DLGAP2: variants seen among roughly 807,000 people sequenced by gnomAD.
The protein encoded by DLGAP2 is DLG associated protein 2, also known as disks large-associated protein 2.
DLGAP2 carries 26 observed loss-of-function variants against 100.3 expected under a neutral mutation model. That is an observed-to-expected ratio of 0.26 (90% CI 0.19 to 0.36). The LOEUF (loss-of-function observed/expected upper bound fraction) is 0.36. Among genes scored for constraint, DLGAP2 ranks in the 10% least tolerant of loss-of-function variants. The pLI, the probability that DLGAP2 is intolerant of heterozygous loss-of-function variation, is 1.00. For missense variants in DLGAP2, 1,858 were observed against 1,453.2 expected (o/e 1.28, Z -4.53); for synonymous variants, 886 against 630.1 (o/e 1.41, Z -6.08).
chr8:1,161,245 G>T (rs1796883268), intron 2 of DLGAP2, among the ~76,000 whole-genome samples: 1 of 152,160 alleles, frequency 6.6e-6, no homozygotes, highest in South Asian at 2.1e-4. Flanking sequence ...CCATCAGCTG[G>T]TTTTAAATAC....
intron 1 of DLGAP2, among the ~76,000 whole-genome samples, chr8:783,072 C>T (rs1230594485): frequency 6.6e-6 from 1 of 152,232 alleles, no homozygotes; most frequent in Non-Finnish European, 1.5e-5. Flanking sequence ...AACAAAGATT[C>T]TGCCTTTTCT....
intron 3 of DLGAP2, among the ~76,000 whole-genome samples, chr8:1,273,354 T>C (rs1320481061): frequency 6.6e-6 from 1 of 152,190 alleles, no homozygotes; most frequent in Non-Finnish European, 1.5e-5. Context: ...GAGCATTTGC[T>C]TGGGAGCATG....
chr8:1,486,093 G>A (rs140544353), intron 3 of DLGAP2, among the ~76,000 whole-genome samples: 60 of 152,268 alleles, frequency 3.9e-4, no homozygotes, highest in East Asian at 1.4e-3. Context: ...CTCTGCTCGC[G>A]TCCCGTGCTC....
intron 2 of DLGAP2, among the ~76,000 whole-genome samples, chr8:1,093,947 G>C (rs753972611): frequency 2.6e-5 from 4 of 152,222 alleles, no homozygotes; most frequent in Non-Finnish European, 5.9e-5. Flanking sequence ...CTGTGTGCAG[G>C]TGCTTGTGGA....
chr8:782,661 A>G (rs1335939537), intron 1 of DLGAP2, among the ~76,000 whole-genome samples: 1 of 152,210 alleles, frequency 6.6e-6, no homozygotes, highest in African/African-American at 2.4e-5. Flanking sequence ...AAGGCAGTTG[A>G]GGGCCCCCAC....
chr8:774,709 T>G (rs1458156040), intron 1 of DLGAP2, among the ~76,000 whole-genome samples: 2 of 151,640 alleles, frequency 1.3e-5, no homozygotes, highest in South Asian at 2.1e-4. Context: ...TTGATCTATA[T>G]CTCTGTTTTG....
chr8:1,206,789 T>C (rs891419317), intron 2 of DLGAP2, among the ~76,000 whole-genome samples: 2 of 152,212 alleles, frequency 1.3e-5, no homozygotes, highest in African/African-American at 4.8e-5. Context: ...GCTACCATTC[T>C]TTGTCTGCAC....
At chr8:1,354,536 A>T (rs2129637059) in intron 3 of DLGAP2, among the ~76,000 whole-genome samples, 1 of 152,264 alleles carries the variant, frequency 6.6e-6, no homozygotes, top group East Asian at 1.9e-4. Context: ...GAACGAAAAG[A>T]AAATACCTTG....
intron 2 of DLGAP2, among the ~76,000 whole-genome samples, chr8:1,009,847 T>C (rs992061939): frequency 9.2e-5 from 14 of 152,220 alleles, no homozygotes; most frequent in Non-Finnish European, 7.3e-5. Flanking sequence ...CCAGATAAAA[T>C]ATCAAATGCC....
chr8:1,358,800 C>A (rs1362398398), intron 3 of DLGAP2, among the ~76,000 whole-genome samples: 1 of 151,762 alleles, frequency 6.6e-6, no homozygotes, highest in African/African-American at 2.4e-5. Context: ...TGGAACCGAA[C>A]TGCCTGATCA....
chr8:1,456,215 A>G (rs1316043712), intron 3 of DLGAP2, among the ~76,000 whole-genome samples: 2 of 152,184 alleles, frequency 1.3e-5, no homozygotes, highest in Non-Finnish European at 2.9e-5. Flanking sequence ...AGGACGCCCT[A>G]GTCTCTCTGC....
At chr8:823,739 C>A (rs1796631588) in intron 1 of DLGAP2, among the ~76,000 whole-genome samples, 1 of 152,180 alleles carries the variant, frequency 6.6e-6, no homozygotes. Flanking sequence ...TTTTGTCTTG[C>A]ACTTTGGGAA....
chr8:1,385,499 CGGCCTGTGCCCGTCCCCTG>C (rs1796196830), intron 3 of DLGAP2, among the ~76,000 whole-genome samples: 6 of 25,986 alleles, frequency 2.3e-4, no homozygotes, highest in African/African-American at 1.1e-3. Flanking sequence ...CACAATTACC[CGGCCTGTGCCCGTCCCCTG>C]AGAACTTGGT....
intron 3 of DLGAP2, among the ~76,000 whole-genome samples, chr8:1,460,178 T>C (rs112207651): frequency 1.5e-4 from 23 of 152,292 alleles, no homozygotes; most frequent in African/African-American, 4.8e-4. Context: ...TGGAGCTACA[T>C]AAGCCTAAGA....
chr8:1,101,852 C>T (rs1256358419), intron 2 of DLGAP2, among the ~76,000 whole-genome samples: 27 of 50,244 alleles, frequency 5.4e-4, no homozygotes, highest in African/African-American at 1.7e-3. Context: ...GAGCCGAACA[C>T]AACACGACGA....
intron 3 of DLGAP2, among the ~76,000 whole-genome samples, chr8:1,494,632 G>T (rs956278890): frequency 6.6e-6 from 1 of 152,152 alleles, no homozygotes; most frequent in African/African-American, 2.4e-5. Flanking sequence ...GGCGTCTGAG[G>T]CAGGAGAATT....
intron 6 of DLGAP2, among the ~76,000 whole-genome samples, chr8:1,579,412 C>T (rs536774580): frequency 2.0e-5 from 3 of 151,844 alleles, no homozygotes; most frequent in South Asian, 4.2e-4. Context: ...TTCCATGGGG[C>T]GTAATTATAA....
intron 3 of DLGAP2, among the ~76,000 whole-genome samples, chr8:1,382,621 A>C (rs1312016164): frequency 6.6e-6 from 1 of 152,152 alleles, no homozygotes; most frequent in Non-Finnish European, 1.5e-5. Flanking sequence ...GTGTGCCTGC[A>C]GTCCCAGCTA....
chr8:1,511,563 C>T (rs1800163476), intron 4 of DLGAP2, among the ~76,000 whole-genome samples: 2 of 151,586 alleles, frequency 1.3e-5, no homozygotes, highest in African/African-American at 2.4e-5. Flanking sequence ...GACGTAAGTG[C>T]TGTCTAGTGT....
Sources: allele counts gnomAD v4.1 joint callset (sites outside exome capture counted in the v4.1 genomes callset), GRCh38; gene constraint gnomAD v4.1.1; transcripts MANE v1.5; gene names NCBI Gene and HGNC (gene_info 2026-07-23, HGNC 2026-07-21).